Variants in RYR3 observed in about 807,000 individuals in gnomAD.
The protein encoded by RYR3 is ryanodine receptor 3.
Under a neutral mutation model 584.3 loss-of-function variants are expected in RYR3, and 207 were observed. The ratio of observed to expected loss-of-function variants is 0.35; its 90% confidence interval spans 0.32 to 0.40. The LOEUF is 0.40. Ranked by LOEUF, RYR3 falls within the 10% of genes least tolerant of loss-of-function variation. The pLI, the probability that RYR3 is intolerant of heterozygous loss-of-function variation, is 1.00. For synonymous variants in RYR3, 2,416 were observed against 2,248.5 expected, an observed-to-expected ratio of 1.07 and a Z score of -2.11; for missense variants, 5,616 against 6,089.2, an observed-to-expected ratio of 0.92 and a Z score of 2.59.
At chr15:33,740,761 C>A (rs1188151553) in intron 51 of RYR3, among the ~76,000 whole-genome samples, 1 of 152,222 alleles carries the variant, frequency 6.6e-6, no homozygotes, top group African/African-American at 2.4e-5. Flanking sequence ...GCCCCTTGGA[C>A]CTGTCCTTCA....
At position 33,841,999 on chromosome 15, in the gene RYR3, C is replaced by G. The variant is rs1354177664; in HGVS notation, c.13173C>G (p.Phe4391Leu). The change falls in exon 91 of 104, where the codon TTC becomes TTG. Residue 4391 changes from phenylalanine to leucine, a missense_variant. Phe to Leu is a conservative substitution (Grantham distance 22). Coordinates refer to ENST00000634891, the MANE Select transcript of RYR3 (RefSeq NM_001036.6). Reference protein sequence around the residue: ...VEKPEAFTANFFKGLEIYQTK... With the variant: ...VEKPEAFTANLFKGLEIYQTK... ...AGCCGGAAGCTTTCACAGCCAATTT[C>G]TTTAAAGGGCTGGAAATCTATCAGA... The G allele has an allele frequency of 5.0e-6, 8 of 1,602,936 alleles. No individual in the cohort carries two copies. Among genetic ancestry groups the G allele is most frequent in the Non-Finnish European group, 6.8e-6 (8 of 1,174,612 alleles).
chr15:33,449,388 TCA>T (rs1341108694), intron 1 of RYR3, among the ~76,000 whole-genome samples: 6 of 152,234 alleles, frequency 3.9e-5, no homozygotes, highest in Middle Eastern at 3.4e-3. Flanking sequence ...AATGTGAAAC[TCA>T]CAGTCTCCTT....
At chr15:33,652,291 C>T (rs532458606) in intron 31 of RYR3, among the ~76,000 whole-genome samples, 1 of 152,280 alleles carries the variant, frequency 6.6e-6, no homozygotes, top group East Asian at 1.9e-4. Context: ...CCCTGGTTAC[C>T]AGACTGGGAC....
chr15:33,519,243 A>T lies in RYR3; in HGVS notation c.280-11349A>T, dbSNP rs146176885. Among the ~76,000 whole-genome samples the T allele has an allele frequency of 5.4e-3, 829 of 152,298 alleles. 14 individuals are homozygous for T. Among genetic ancestry groups the T allele is most frequent in the African/African-American group, 0.019 (801 of 41,562 alleles). ...CTCTTCTTCTGAGAAGCTTATCTAC[A>T]GTCTTCACCACACATAGATTTTGTA... On this transcript the variant is annotated intron_variant, in intron 3 of 103. Coordinates refer to ENST00000634891, the MANE Select transcript of RYR3 (RefSeq NM_001036.6).
At chr15:33,517,229 G>C (rs956176694) in intron 3 of RYR3, among the ~76,000 whole-genome samples, 12 of 152,174 alleles carry the variant, frequency 7.9e-5, no homozygotes, top group African/African-American at 2.7e-4. Context: ...TCCCGACCTC[G>C]TGATCCACGC....
At chr15:33,413,161 C>A (rs1019663039) in intron 1 of RYR3, among the ~76,000 whole-genome samples, 4 of 152,156 alleles carry the variant, frequency 2.6e-5, no homozygotes, top group African/African-American at 9.7e-5. Context: ...CCTTGTTATG[C>A]CGTTTGAGAA....
intron 43 of RYR3, among the ~76,000 whole-genome samples, chr15:33,713,190 G>A (rs1024634209): frequency 2.0e-5 from 3 of 152,124 alleles, no homozygotes; most frequent in Non-Finnish European, 4.4e-5. Flanking sequence ...TATTCATGGT[G>A]GGTGATGGTA....
At chr15:33,755,308 T>G in intron 58 of RYR3, 128 bp downstream of exon 58, 1 of 666,428 alleles carries the variant, frequency 1.5e-6, no homozygotes, top group Non-Finnish European at 2.6e-6. Flanking sequence ...TGGCTGAAAT[T>G]TTTTTCCCCC....
chr15:33,542,591 TCATAA>T (rs1050518105), intron 7 of RYR3, among the ~76,000 whole-genome samples: 17 of 152,224 alleles, frequency 1.1e-4, no homozygotes, highest in Non-Finnish European at 1.5e-4. Context: ...AAAACTGAAC[TCATAA>T]CAGACTGTCA....
intron 10 of RYR3, among the ~76,000 whole-genome samples, chr15:33,552,552 T>C (rs959030332): frequency 1.3e-5 from 2 of 152,176 alleles, no homozygotes; most frequent in African/African-American, 4.8e-5. Context: ...CTAGAGATTT[T>C]AAATAAGTCT....
chr15:33,672,092 G>A (rs2063882196), intron 38 of RYR3, among the ~76,000 whole-genome samples: 1 of 152,032 alleles, frequency 6.6e-6, no homozygotes, highest in East Asian at 1.9e-4. Flanking sequence ...GGGATTACAG[G>A]CATGAGCCAC....
chr15:33,636,454 C>G lies in RYR3; in HGVS notation c.3460C>G (p.Leu1154Val). The G allele has an allele frequency of 6.2e-7, 1 of 1,613,754 alleles. No homozygotes were observed. Among genetic ancestry groups the G allele is most frequent in the Non-Finnish European group, 8.5e-7 (1 of 1,179,766 alleles). ...GGATGTGGTCGGATGTATGATTAAC[C>G]TGGATGATGCTTCAATGATCTTCAC... ...PGDVVGCMIN[L>V]DDASMIFTLN... The change falls in exon 27 of 104, where the codon CTG (leucine) becomes GTG (valine). Residue 1154 changes from leucine to valine, a missense_variant. Coordinates refer to ENST00000634891, the MANE Select transcript of RYR3 (RefSeq NM_001036.6).
At chr15:33,384,439 TTTAA>T (rs1313690104) in intron 1 of RYR3, among the ~76,000 whole-genome samples, 1 of 147,356 alleles carries the variant, frequency 6.8e-6, no homozygotes, top group African/African-American at 2.5e-5. Context: ...TCATTATTAT[TTTAA>T]TTAATATAAT....
chr15:33,622,413 G>A (rs929312822), intron 19 of RYR3, among the ~76,000 whole-genome samples: 6 of 152,144 alleles, frequency 3.9e-5, no homozygotes, highest in African/African-American at 1.4e-4. Context: ...GAGTTAGCTC[G>A]CATGTCAGAG....
intron 60 of RYR3, among the ~76,000 whole-genome samples, chr15:33,758,700 G>A (rs2072121486): frequency 6.6e-6 from 1 of 152,200 alleles, no homozygotes; most frequent in Non-Finnish European, 1.5e-5. Flanking sequence ...GGGGGAAGGG[G>A]CGGCTGTGGG....
chr15:33,682,366 T>C (rs1376779642), intron 38 of RYR3, among the ~76,000 whole-genome samples: 1 of 152,064 alleles, frequency 6.6e-6, no homozygotes, highest in Non-Finnish European at 1.5e-5. Context: ...TTTTTTTTTT[T>C]CCTTTTTGAA....
rs573257176 is a variant in RYR3 at position 33,566,957 on chromosome 15, C to G, written c.1268+158C>G. Among the ~76,000 whole-genome samples, 9 of 152,280 alleles carry G rather than the reference C, an allele frequency of 5.9e-5. 1 individual carries two copies. The South Asian group carries it at 1.9e-3, about 32-fold the overall frequency. ...AGAGCTTGAGACTGAAACATATTTC[C>G]TACATAGGCGAACTCCTACTAGCTT... On this transcript the variant is annotated intron_variant, in intron 12 of 103. Coordinates refer to ENST00000634891, the MANE Select transcript of RYR3 (RefSeq NM_001036.6).
chr15:33,781,093 T>G (rs1360296040), intron 65 of RYR3, among the ~76,000 whole-genome samples: 1 of 152,224 alleles, frequency 6.6e-6, no homozygotes, highest in African/African-American at 2.4e-5. Context: ...AGGAAACGTT[T>G]TCCACCCTCT....
In RYR3 at chr15:33,748,275, C is replaced by G; in HGVS notation, c.8136+15C>G. 6.2e-7 allele frequency: 1 copy of G among 1,613,020 alleles called. No individual in the cohort carries two copies. The highest frequency in any genetic ancestry group is 8.5e-7 in the Non-Finnish European group (1 of 1,179,488). The stretch of plus-strand genomic sequence containing the variant: ...AGGCCAACCAGGTATGACACCACAC[C>G]CAGAGGCCCACGCTGGGCCGATGGA... On this transcript the variant is annotated intron_variant, in intron 54 of 103. Transcript: ENST00000634891.
Sources: gnomAD v4.1 joint callset for allele counts (sites outside exome capture counted in the v4.1 genomes callset) on GRCh38, gnomAD v4.1.1 for gene constraint, MANE v1.5 for transcripts, NCBI Gene and HGNC (gene_info 2026-07-23, HGNC 2026-07-21) for gene names.